Variants in TYW1 observed in about 807,000 individuals in gnomAD.
The protein encoded by TYW1 is S-adenosyl-L-methionine-dependent tRNA 4-demethylwyosine synthase TYW1.
In TYW1, 46 loss-of-function variants were observed where a neutral mutation model predicts 96.2. The ratio of observed to expected loss-of-function variants is 0.48; its 90% CI spans 0.38 to 0.61. TYW1 has a LOEUF of 0.61. Ranked by LOEUF, TYW1 falls within the 20% of genes least tolerant of loss-of-function variation. TYW1 has a pLI of 0.00. For synonymous variants in TYW1, 274 were observed against 323.0 expected (o/e 0.85, Z 1.63); for missense variants, 684 against 909.6 (o/e 0.75, Z 3.19).
At chr7:67,203,086 T>C (rs555084347) in intron 15 of TYW1, among the ~76,000 whole-genome samples, 41 of 152,366 alleles carry the variant, frequency 2.7e-4, no homozygotes, top group African/African-American at 8.4e-4. Flanking sequence ...GATAGAAAAC[T>C]GTTCTATCAC....
chr7:67,217,589 C>T (rs1801240259), intron 15 of TYW1, among the ~76,000 whole-genome samples: 1 of 152,094 alleles, frequency 6.6e-6, no homozygotes, highest in Admixed American at 6.5e-5. Flanking sequence ...TCTGGGCTCT[C>T]TATTCCATTG....
intron 7 of TYW1, among the ~76,000 whole-genome samples, chr7:67,046,514 C>G (rs551966852): frequency 6.6e-6 from 1 of 152,032 alleles, no homozygotes; most frequent in African/African-American, 2.4e-5. Context: ...TTGGCTGATT[C>G]TGGGATCTTA....
intron 10 of TYW1, among the ~76,000 whole-genome samples, chr7:67,067,968 GTCTC>G (rs1021547592): frequency 6.6e-6 from 1 of 151,346 alleles, no homozygotes; most frequent in African/African-American, 2.4e-5. Context: ...GCACAATTCT[GTCTC>G]TCTCTTTTTG....
chr7:67,120,532 A>G (rs1337168275), intron 13 of TYW1, among the ~76,000 whole-genome samples: 2 of 152,200 alleles, frequency 1.3e-5, no homozygotes, highest in African/African-American at 2.4e-5. Context: ...TTGGTTATTA[A>G]TACTGATGTT....
At chr7:67,089,374 G>A in intron 11 of TYW1, 1 of 1,227,928 alleles carries the variant, frequency 8.1e-7, no homozygotes, top group African/African-American at 1.5e-5. Context: ...TAGGTATCCA[G>A]TGCAGGGCAT....
intron 11 of TYW1, 52 bp from the exon 12 acceptor site, chr7:67,098,489 C>G (rs1391708207): frequency 4.7e-6 from 7 of 1,481,944 alleles, no homozygotes; most frequent in Non-Finnish European, 6.3e-6. Context: ...ACGTAAGTGA[C>G]ATCCTCTATC....
At chr7:67,204,511 T>A (rs964993875) in intron 15 of TYW1, among the ~76,000 whole-genome samples, 5 of 145,922 alleles carry the variant, frequency 3.4e-5, no homozygotes, top group African/African-American at 8.4e-5. Context: ...TCTCTTTTTT[T>A]ATTTTCCTTC....
chr7:67,079,360 C>A (rs1584534879), intron 10 of TYW1, among the ~76,000 whole-genome samples: 1 of 151,892 alleles, frequency 6.6e-6, no homozygotes, highest in African/African-American at 2.4e-5. Flanking sequence ...ACAGGAATTT[C>A]TACGTTTCCT....
chr7:67,046,890 A>G (rs1795204879), intron 7 of TYW1, among the ~76,000 whole-genome samples: 1 of 152,208 alleles, frequency 6.6e-6, no homozygotes, highest in Non-Finnish European at 1.5e-5. Flanking sequence ...GTGAAGGGAC[A>G]GGGACAGTAT....
intron 12 of TYW1, among the ~76,000 whole-genome samples, chr7:67,110,762 C>T (rs137901679): frequency 0.011 from 1,677 of 152,116 alleles, 72 homozygotes; most frequent in Admixed American, 0.071. Context: ...GCTTGAACTT[C>T]GGGAGGCTGG....
chr7:67,087,576 G>C (rs1396340793), intron 11 of TYW1, among the ~76,000 whole-genome samples: 1 of 149,934 alleles, frequency 6.7e-6, no homozygotes, highest in Non-Finnish European at 1.5e-5. Flanking sequence ...TTTTACCCTG[G>C]TAATTCCTAC....
chr7:67,038,962 G>T (rs1794927694), intron 7 of TYW1, among the ~76,000 whole-genome samples: 1 of 152,138 alleles, frequency 6.6e-6, no homozygotes, highest in Admixed American at 6.6e-5. Flanking sequence ...TTCGGATTTT[G>T]GCTTTGAAGA....
chr7:67,034,166 C>T (rs548373183), intron 7 of TYW1, among the ~76,000 whole-genome samples: 20 of 148,944 alleles, frequency 1.3e-4, no homozygotes, highest in African/African-American at 4.0e-4. Context: ...TGCAGTGATG[C>T]GATCTCAGCT....
intron 15 of TYW1, among the ~76,000 whole-genome samples, chr7:67,238,107 T>G (rs1801951392): frequency 6.6e-6 from 1 of 151,410 alleles, no homozygotes; most frequent in African/African-American, 2.4e-5. Context: ...GAAAGGAAGC[T>G]CTCCTGTGAT....
At chr7:67,099,031 ATT>A (rs11297642) in intron 12 of TYW1, among the ~76,000 whole-genome samples, 42 of 140,168 alleles carry the variant, frequency 3.0e-4, no homozygotes, top group African/African-American at 1.1e-3. Flanking sequence ...TATTATTATT[ATT>A]TTTTTTTTTT....
chr7:67,217,069 G>A, intron 15 of TYW1, among the ~76,000 whole-genome samples: 1 of 149,798 alleles, frequency 6.7e-6, no homozygotes. Flanking sequence ...TTTTTTCTGT[G>A]CTTATTGTCC....
intron 14 of TYW1, among the ~76,000 whole-genome samples, chr7:67,189,518 C>CT (rs746046431): frequency 2.1e-5 from 3 of 141,092 alleles, no homozygotes; most frequent in Non-Finnish European, 4.6e-5. Context: ...ATAGTCTGCA[C>CT]TTACTAGAGT....
chr7:67,033,032 G>A (rs1167958494), intron 7 of TYW1, among the ~76,000 whole-genome samples: 8 of 150,972 alleles, frequency 5.3e-5, no homozygotes, highest in Non-Finnish European at 7.4e-5. Context: ...GAGTAGCTGC[G>A]ATTACAGGTG....
At chr7:67,187,108 G>C (rs1337375140) in intron 14 of TYW1, among the ~76,000 whole-genome samples, 8 of 131,454 alleles carry the variant, frequency 6.1e-5, no homozygotes, top group African/African-American at 2.3e-4. Flanking sequence ...CTGTCTCCCA[G>C]ACTGGAGCGC....
Sources: gnomAD v4.1 joint callset for allele counts (sites outside exome capture counted in the v4.1 genomes callset) on GRCh38, gnomAD v4.1.1 for gene constraint, MANE v1.5 for transcripts, NCBI Gene and HGNC (gene_info 2026-07-23, HGNC 2026-07-21) for gene names.